XYLT1: variants seen among roughly 807,000 people sequenced by gnomAD.
XYLT1 encodes the protein xylosyltransferase 1.
A neutral mutation model predicts 91.3 loss-of-function variants in XYLT1; 36 were observed. The ratio of observed to expected loss-of-function variants is 0.39; its 90% CI spans 0.30 to 0.52. The LOEUF (loss-of-function observed/expected upper bound fraction) is 0.52. XYLT1 is among the 20% of genes least tolerant of loss of function. The pLI is 0.68. For missense variants in XYLT1, 1,242 were observed against 1,284.5 expected (o/e 0.97, Z 0.51); for synonymous variants, 588 against 532.0 (o/e 1.11, Z -1.45).
intron 1 of XYLT1, among the ~76,000 whole-genome samples, chr16:17,430,123 G>C (rs1006338690): frequency 6.6e-6 from 1 of 151,904 alleles, no homozygotes; most frequent in Admixed American, 6.6e-5. Context: ...TTTTAGTAGA[G>C]ACTGGGTTTC....
intron 6 of XYLT1, among the ~76,000 whole-genome samples, chr16:17,151,814 A>G (rs1453602879): frequency 6.6e-6 from 1 of 152,196 alleles, no homozygotes; most frequent in African/African-American, 2.4e-5. Context: ...AAACTTCTCT[A>G]TACCACTTCT....
chr16:17,404,156 AG>A (rs2036001611), intron 1 of XYLT1, among the ~76,000 whole-genome samples: 1 of 152,102 alleles, frequency 6.6e-6, no homozygotes, highest in East Asian at 1.9e-4. Context: ...GGAGGGACTC[AG>A]GGCCCAGGAA....
chr16:17,371,166 C>T (rs1237119039), intron 1 of XYLT1, among the ~76,000 whole-genome samples: 2 of 152,198 alleles, frequency 1.3e-5, no homozygotes, highest in East Asian at 3.8e-4. Flanking sequence ...AGGCAGAGAG[C>T]AAAGTTGACT....
At chr16:17,324,681 G>T (rs975859079) in intron 2 of XYLT1, among the ~76,000 whole-genome samples, 1 of 152,156 alleles carries the variant, frequency 6.6e-6, no homozygotes, top group Non-Finnish European at 1.5e-5. Context: ...TTTTTGAAAA[G>T]ATCCCCCACG....
intron 2 of XYLT1, among the ~76,000 whole-genome samples, chr16:17,277,442 T>A (rs1023475878): frequency 2.6e-5 from 4 of 152,114 alleles, no homozygotes; most frequent in Non-Finnish European, 5.9e-5. Flanking sequence ...CAGGCTGGAG[T>A]GCAGTGGCGC....
chr16:17,214,837 C>T (rs766159907), intron 3 of XYLT1, among the ~76,000 whole-genome samples: 94 of 152,196 alleles, frequency 6.2e-4, no homozygotes, highest in Admixed American at 9.8e-4. Context: ...CTCTTTCCAA[C>T]CTCATTTCCC....
chr16:17,117,493 G>A (rs1966854765), intron 11 of XYLT1, among the ~76,000 whole-genome samples, 153 bp downstream of exon 11: 1 of 152,110 alleles, frequency 6.6e-6, no homozygotes. Context: ...GTTTCTCTAG[G>A]GAAACACAGA....
chr16:17,392,188 C>T lies in XYLT1; in HGVS notation c.364-34138G>A, dbSNP rs116459203. On this transcript the variant is annotated intron_variant, in intron 1 of 11. Coordinates refer to ENST00000261381, the MANE Select transcript of XYLT1 (RefSeq NM_022166.4). ...TCATAAAGCCCTATAGGATCTTACCCCTGCCTGTTCCTCAAGCTCATCTGA... is the reference window on the plus strand; with the variant it reads ...TCATAAAGCCCTATAGGATCTTACCTCTGCCTGTTCCTCAAGCTCATCTGA... Among the ~76,000 whole-genome samples, 666 of 152,262 alleles carry T rather than the reference C, an allele frequency of 4.4e-3. 5 individuals carry two copies. Among genetic ancestry groups the T allele is most frequent in the African/African-American group, 0.015 (632 of 41,536 alleles).
intron 3 of XYLT1, among the ~76,000 whole-genome samples, chr16:17,243,175 G>C (rs2033373955): frequency 1.3e-5 from 2 of 152,156 alleles, no homozygotes; most frequent in Non-Finnish European, 2.9e-5. Context: ...GACAGCCTCT[G>C]CTTTAATAAT....
chr16:17,356,597 C>T (rs1192552028), intron 2 of XYLT1, among the ~76,000 whole-genome samples: 1 of 152,050 alleles, frequency 6.6e-6, no homozygotes, highest in Non-Finnish European at 1.5e-5. Flanking sequence ...AGGGCAAGGA[C>T]CCAAGGTGGA....
At chr16:17,390,669 A>G (rs1024738845) in intron 1 of XYLT1, among the ~76,000 whole-genome samples, 8 of 152,242 alleles carry the variant, frequency 5.3e-5, no homozygotes, top group Non-Finnish European at 7.3e-5. Flanking sequence ...TTATACTTTA[A>G]AAGATAACAG....
intron 1 of XYLT1, among the ~76,000 whole-genome samples, chr16:17,426,379 G>A (rs1212072878): frequency 3.3e-5 from 5 of 152,070 alleles, no homozygotes; most frequent in Non-Finnish European, 7.4e-5. Flanking sequence ...GGCCAACATG[G>A]TGACACCCTG....
chr16:17,192,006 A>ACATAAAGAGAGGAC (rs2032319772), intron 5 of XYLT1, among the ~76,000 whole-genome samples: 4 of 151,910 alleles, frequency 2.6e-5, no homozygotes, highest in East Asian at 3.9e-4. Context: ...GGACACACTC[A>ACATAAAGAGAGGAC]ACCCTCCTCT....
intron 2 of XYLT1, among the ~76,000 whole-genome samples, chr16:17,350,817 C>A (rs917210579): frequency 1.3e-5 from 2 of 152,032 alleles, no homozygotes; most frequent in African/African-American, 2.4e-5. Flanking sequence ...GCCGGAAGAA[C>A]GGAGAGGAGA....
chr16:17,390,300 G>GCC (rs1427071267), intron 1 of XYLT1, among the ~76,000 whole-genome samples: 2 of 152,204 alleles, frequency 1.3e-5, no homozygotes, highest in Admixed American at 6.5e-5. Flanking sequence ...TGAATAAGCT[G>GCC]CCAGCAAGAA....
intron 2 of XYLT1, among the ~76,000 whole-genome samples, chr16:17,280,996 T>C (rs1489197641): frequency 6.6e-6 from 1 of 152,140 alleles, no homozygotes; most frequent in Non-Finnish European, 1.5e-5. Context: ...CGGGAGATAC[T>C]GGTTTAGTGG....
intron 1 of XYLT1, among the ~76,000 whole-genome samples, chr16:17,358,830 G>T (rs1397137872): frequency 1.3e-5 from 2 of 152,166 alleles, no homozygotes; most frequent in African/African-American, 2.4e-5. Flanking sequence ...AACAAGGGAA[G>T]GAATGAGAGC....
intron 3 of XYLT1, among the ~76,000 whole-genome samples, chr16:17,207,173 T>C (rs2032665346): frequency 6.7e-6 from 1 of 149,984 alleles, no homozygotes; most frequent in African/African-American, 2.4e-5. Context: ...TTCTTCTGCC[T>C]CAGCCTCCTG....
At chr16:17,305,768 C>A (rs73529398) in intron 2 of XYLT1, among the ~76,000 whole-genome samples, 1 of 152,040 alleles carries the variant, frequency 6.6e-6, no homozygotes, top group Non-Finnish European at 1.5e-5. Context: ...TATAAGGACC[C>A]GGCAAACCCC....
Sources: gnomAD v4.1 joint callset for allele counts (sites outside exome capture counted in the v4.1 genomes callset) on GRCh38, gnomAD v4.1.1 for gene constraint, MANE v1.5 for transcripts, NCBI Gene and HGNC (gene_info 2026-07-23, HGNC 2026-07-21) for gene names.